The following DOCK9 variants were observed in gnomAD, a reference collection of about 807,000 sequenced individuals.
DOCK9 encodes the protein dedicator of cytokinesis protein 9.
In DOCK9, 89 loss-of-function variants were observed where a neutral mutation model predicts 263.3. The ratio of observed to expected loss-of-function variants is 0.34; its 90% CI spans 0.28 to 0.40. The LOEUF (loss-of-function observed/expected upper bound fraction) is 0.40, where lower values mean the gene tolerates loss of function less well. Ranked by LOEUF, DOCK9 falls within the 10% of genes least tolerant of loss-of-function variation. The pLI, the probability that DOCK9 is intolerant of heterozygous loss-of-function variation, is 1.00. For missense variants in DOCK9, 2,140 were observed against 2,603.4 expected, an observed-to-expected ratio of 0.82 and a Z score of 3.87; for synonymous variants, 976 against 973.1, an observed-to-expected ratio of 1.00 and a Z score of -0.06.
At chr13:99,082,822 C>T (rs922250766) in intron 1 of DOCK9, among the ~76,000 whole-genome samples, 2 of 152,122 alleles carry the variant, frequency 1.3e-5, no homozygotes, top group East Asian at 1.9e-4. Flanking sequence ...AGAAACTGAG[C>T]CCCAACAAGG....
At chr13:98,818,991 TTACC>T (rs2092092220) in intron 45 of DOCK9, among the ~76,000 whole-genome samples, 1 of 152,236 alleles carries the variant, frequency 6.6e-6, no homozygotes, top group Non-Finnish European at 1.5e-5. Flanking sequence ...GCCATCGGTA[TTACC>T]TACCATTTGG....
chr13:99,082,597 G>T (rs1037963930), intron 1 of DOCK9, among the ~76,000 whole-genome samples: 22 of 151,632 alleles, frequency 1.5e-4, no homozygotes, highest in African/African-American at 5.1e-4. Context: ...AAGCCCATTG[G>T]TGGAATAAGG....
At chr13:98,866,284 C>T (rs965853281) in intron 30 of DOCK9, among the ~76,000 whole-genome samples, 1 of 152,162 alleles carries the variant, frequency 6.6e-6, no homozygotes, top group African/African-American at 2.4e-5. Flanking sequence ...AGGTTGTACA[C>T]AACTTATTCT....
At position 98,904,658 on chromosome 13, in the gene DOCK9, G is replaced by C. The variant is rs751251136; in HGVS notation, c.1009C>G (p.Leu337Val). The C allele has an allele frequency of 3.9e-6, 6 of 1,557,596 alleles. No homozygotes were observed. The highest frequency in any genetic ancestry group is 1.9e-5 in the Admixed American group (1 of 51,620). Reference sequence around the variant, plus strand: ...TGGGCATCTGGGTCCAAATAAAAAAGTTTGACTCTGCTTTCACTTTTCAGT... The same window carrying C: ...TGGGCATCTGGGTCCAAATAAAAAACTTTGACTCTGCTTTCACTTTTCAGT... ...IKLKSESRVK[L>V]FYLDPDAQKL... The change falls in exon 10 of 53, where the codon CTT becomes GTT. Residue 337 changes from leucine (L) to valine (V), a missense_variant. Physicochemically the swap from Leu to Val is conservative, Grantham distance 32. Coordinates refer to ENST00000682017, the MANE Select transcript of DOCK9 (RefSeq NM_001366683.2).
intron 2 of DOCK9, among the ~76,000 whole-genome samples, chr13:98,949,098 G>A (rs545506188): frequency 1.2e-4 from 18 of 152,010 alleles, no homozygotes; most frequent in African/African-American, 4.1e-4. Context: ...TTTGAGACAG[G>A]GTTTCCCTCT....
chr13:98,922,632 T>C (rs1166361620), intron 5 of DOCK9, among the ~76,000 whole-genome samples: 1 of 152,080 alleles, frequency 6.6e-6, no homozygotes, highest in Non-Finnish European at 1.5e-5. Flanking sequence ...GATAAAGTGA[T>C]GGGGGGAATA....
At chr13:99,048,239 A>G (rs1388971956) in intron 1 of DOCK9, among the ~76,000 whole-genome samples, 1 of 152,230 alleles carries the variant, frequency 6.6e-6, no homozygotes, top group African/African-American at 2.4e-5. Context: ...AGCCAACAGC[A>G]GGATTTTCAC....
intron 2 of DOCK9, among the ~76,000 whole-genome samples, chr13:98,938,088 C>T (rs983270928): frequency 5.9e-5 from 9 of 152,230 alleles, no homozygotes; most frequent in East Asian, 1.9e-4. Flanking sequence ...TCTCTCCTAA[C>T]GACATTCCTG....
chr13:98,914,319 C>G lies in DOCK9; in HGVS notation c.960+9G>C, dbSNP rs1380631757. 6.2e-7 allele frequency: 1 copy of G among 1,604,944 alleles called. No individual in the cohort carries two copies. The highest frequency in any genetic ancestry group is 1.3e-5 in the African/African-American group (1 of 74,776). On this transcript the variant is annotated intron_variant, in intron 9 of 52. Coordinates refer to ENST00000682017, the MANE Select transcript of DOCK9 (RefSeq NM_001366683.2). ...TCAACGAAGAGCAGAAGATATAAGA[C>G]GATGTTACCTTGGCAAGTTCCGGCA...
In DOCK9 at chr13:98,902,369, C is replaced by T. The variant is rs763479889; in HGVS notation, c.1299G>A (p.Pro433=). 20 of 1,613,854 alleles carry T rather than the reference C, an allele frequency of 1.2e-5. No homozygotes were observed. Among genetic ancestry groups the T allele is most frequent in the African/African-American group, 2.7e-5 (2 of 74,920 alleles). The change falls in exon 12 of 53, where the codon CCG becomes CCA. Residue 433 remains proline, a synonymous_variant. Coordinates refer to ENST00000682017, the MANE Select transcript of DOCK9 (RefSeq NM_001366683.2). ...TCTGCCCACTGCCATTCATCAGCGCCGGGGACGTGGTGGCGAGCATTTGCC... is the reference window on the plus strand; with the variant it reads ...TCTGCCCACTGCCATTCATCAGCGCTGGGGACGTGGTGGCGAGCATTTGCC... ...SVRQMLATTS[P]ALMNGSGQSP...
At chr13:98,823,517 T>C (rs2092388720) in intron 45 of DOCK9, among the ~76,000 whole-genome samples, 1 of 152,212 alleles carries the variant, frequency 6.6e-6, no homozygotes, top group African/African-American at 2.4e-5. Flanking sequence ...GACTGACTCC[T>C]TTCTTGGCTT....
chr13:99,034,098 T>C (rs922138355), intron 1 of DOCK9, among the ~76,000 whole-genome samples: 3 of 152,168 alleles, frequency 2.0e-5, no homozygotes, highest in Non-Finnish European at 4.4e-5. Flanking sequence ...AAAGCATTCA[T>C]CTGCTATCCC....
intron 15 of DOCK9, among the ~76,000 whole-genome samples, chr13:98,893,611 C>T (rs796386876): frequency 7.2e-5 from 11 of 152,134 alleles, no homozygotes; most frequent in African/African-American, 2.7e-4. Context: ...ACTGAGACAG[C>T]GTGAAGAAAT....
intron 1 of DOCK9, among the ~76,000 whole-genome samples, chr13:99,053,619 T>A (rs932283087): frequency 2.6e-5 from 4 of 152,160 alleles, no homozygotes; most frequent in African/African-American, 9.7e-5. Flanking sequence ...ACTCAGACCC[T>A]TGTACAAAAG....
chr13:99,049,956 T>C (rs1442406768), intron 1 of DOCK9, among the ~76,000 whole-genome samples: 1 of 152,258 alleles, frequency 6.6e-6, no homozygotes, highest in African/African-American at 2.4e-5. Flanking sequence ...GCCAACATCT[T>C]CATGACATCT....
chr13:98,916,907 T>A (rs1203801111), intron 7 of DOCK9, among the ~76,000 whole-genome samples: 4 of 152,246 alleles, frequency 2.6e-5, no homozygotes, highest in Admixed American at 6.5e-5. Flanking sequence ...GCACTTTTTT[T>A]AATTCACAGC....
At chr13:98,848,443 C>T (rs1386765448) in intron 37 of DOCK9, 149 bp downstream of exon 37, 2 of 735,482 alleles carry the variant, frequency 2.7e-6, no homozygotes, top group East Asian at 2.7e-5. Flanking sequence ...CTGCCAGGCT[C>T]TGCGGTGGCA....
At chr13:98,902,846 T>C in intron 11 of DOCK9, 126 bp downstream of exon 11, 1 of 975,102 alleles carries the variant, frequency 1.0e-6, no homozygotes, top group Non-Finnish European at 1.5e-6. Context: ...CTCCATATCC[T>C]GATCCAAACA....
intron 1 of DOCK9, among the ~76,000 whole-genome samples, chr13:99,059,649 C>T (rs1189623888): frequency 6.6e-6 from 1 of 152,208 alleles, no homozygotes; most frequent in Non-Finnish European, 1.5e-5. Context: ...AAAATACAAA[C>T]TTGTGTTTTT....
Sources: allele counts gnomAD v4.1 joint callset (sites outside exome capture counted in the v4.1 genomes callset), GRCh38; gene constraint gnomAD v4.1.1; transcripts MANE v1.5; gene names NCBI Gene and HGNC (gene_info 2026-07-23, HGNC 2026-07-21).